GALNT8: variants seen among roughly 807,000 people sequenced by gnomAD.
GALNT8 encodes the protein polypeptide N-acetylgalactosaminyltransferase 8.
A neutral mutation model predicts 62.7 loss-of-function variants in GALNT8; 66 were observed. The ratio of observed to expected loss-of-function variants is 1.05; its 90% confidence interval spans 0.86 to 1.29. GALNT8 has a LOEUF of 1.29. Ranked by LOEUF, GALNT8 falls within the 50% of genes most tolerant of loss-of-function variation. The probability of loss-of-function intolerance (pLI) is 0.00; values close to 1 mark genes in which losing one functional copy is unlikely to be tolerated. For synonymous variants in GALNT8, 288 were observed against 294.3 expected (o/e 0.98, Z 0.22); for missense variants, 771 against 791.8 (o/e 0.97, Z 0.32).
At chr12:4,724,228 T>C (rs962679062) in intron 1 of GALNT8, among the ~76,000 whole-genome samples, 4 of 144,930 alleles carry the variant, frequency 2.8e-5, no homozygotes, top group Non-Finnish European at 6.0e-5. Flanking sequence ...CAAGAGCAAA[T>C]GCAAACAATA....
At chr12:4,752,749 A>G (rs949053509) in intron 6 of GALNT8, among the ~76,000 whole-genome samples, 2 of 152,162 alleles carry the variant, frequency 1.3e-5, no homozygotes, top group African/African-American at 2.4e-5. Context: ...TTTTCTGTGT[A>G]CTGACTATCA....
chr12:4,739,468 C>A, intron 3 of GALNT8, 139 bp downstream of exon 3: 1 of 627,668 alleles, frequency 1.6e-6, no homozygotes, highest in Non-Finnish European at 2.8e-6. Flanking sequence ...TGTTAAGGGT[C>A]TATTTGTGCT....
At chr12:4,764,857 ATTTT>A (rs57897149) in intron 9 of GALNT8, among the ~76,000 whole-genome samples, 2 of 143,794 alleles carry the variant, frequency 1.4e-5, no homozygotes, top group Admixed American at 6.9e-5. Flanking sequence ...TGGCCTGGAC[ATTTT>A]TTTTTTTTTT....
intron 10 of GALNT8, chr12:4,768,606 C>G (rs1946410039): frequency 8.4e-6 from 2 of 237,876 alleles, no homozygotes; most frequent in South Asian, 1.1e-4. Context: ...GAAATTCTGC[C>G]AACCATTCTA....
chr12:4,744,262 G>A (rs1042211367), intron 3 of GALNT8, among the ~76,000 whole-genome samples: 4 of 152,150 alleles, frequency 2.6e-5, no homozygotes, highest in East Asian at 1.9e-4. Context: ...TGCCTGACAC[G>A]TAGTAAGCAG....
chr12:4,763,948 T>A lies in GALNT8; in HGVS notation c.1498-4T>A. Reference sequence around the variant, plus strand: ...AGTGTTGCCGTGTGTTTTGTCCCCTTCAGATGAAAAACCTATTGGATGAAA... The same window carrying A: ...AGTGTTGCCGTGTGTTTTGTCCCCTACAGATGAAAAACCTATTGGATGAAA... On this transcript the variant is annotated splice_region_variant and splice_polypyrimidine_tract_variant and intron_variant, in intron 8 of 10. Coordinates refer to ENST00000252318, the MANE Select transcript of GALNT8 (RefSeq NM_017417.2). 3 of 1,487,092 alleles carry A rather than the reference T, an allele frequency of 2.0e-6. No individual in the cohort carries two copies. Among genetic ancestry groups the A allele is most frequent in the Non-Finnish European group, 2.8e-6 (3 of 1,063,262 alleles). The allele number at this position is 1,487,092 out of a possible 1,614,324, so 92.1% of individuals were successfully genotyped here.
rs1946427458 is a variant in GALNT8 at position 4,772,149 on chromosome 12, G to A, written c.1762-296G>A. Among the ~76,000 whole-genome samples the A allele has an allele frequency of 4.6e-5, 7 of 152,234 alleles. No individual in the cohort carries two copies. The South Asian group carries it at 8.3e-4, about 18-fold the overall frequency. On this transcript the variant is annotated intron_variant, in intron 10 of 10. Transcript: ENST00000252318. Reference sequence around the variant, plus strand: ...GAGAAGGCCCACGGTTCTCACAGATGCCTTCGTTCCATGGTAGTCAGTACT... The same window carrying A: ...GAGAAGGCCCACGGTTCTCACAGATACCTTCGTTCCATGGTAGTCAGTACT...
At chr12:4,720,997 C>A in intron 1 of GALNT8, 109 bp downstream of exon 1, 1 of 685,220 alleles carries the variant, frequency 1.5e-6, no homozygotes, top group Non-Finnish European at 2.6e-6. Context: ...ACATTTTCAT[C>A]TCAGTCGCTC....
Position 4,765,359 on chromosome 12 carries a change from T to C in GALNT8, c.1594-20T>C. 1 of 1,415,214 alleles carries C rather than the reference T, an allele frequency of 7.1e-7. No homozygotes were observed. The highest frequency in any genetic ancestry group is 2.6e-5 in the East Asian group (1 of 38,812). 87.7% of individuals were successfully genotyped at this position (1,415,214 alleles called of 1,614,324 possible). A position where few individuals can be genotyped will look rare whatever the true frequency, so the allele number is the denominator to read the frequency against. On this transcript the variant is annotated intron_variant, in intron 9 of 10. Coordinates refer to ENST00000252318, the MANE Select transcript of GALNT8 (RefSeq NM_017417.2). ...CCTATGGTGAGCCCTCTGCTTTTTT[T>C]TTTTTTTTTTTTTTTTTAGAATGTC...
At position 4,720,759 on chromosome 12, in the gene GALNT8, T is replaced by G; in HGVS notation, c.82T>G (p.Ser28Ala). The G allele has an allele frequency of 6.2e-7, 1 of 1,613,448 alleles. No homozygotes were observed. The highest frequency in any genetic ancestry group is 8.5e-7 in the Non-Finnish European group (1 of 1,179,330). The change falls in exon 1 of 11, where the codon TCT becomes GCT. Residue 28 changes from serine (S) to alanine (A), a missense_variant. Coordinates refer to ENST00000252318, the MANE Select transcript of GALNT8 (RefSeq NM_017417.2). Reference protein sequence around the residue: ...AIAVNLLLVFSSKGTLQNLFT... With the variant: ...AIAVNLLLVFASKGTLQNLFT... ...TGCTGTCAATCTCCTTCTGGTATTT[T>G]CTAGCAAGGGGACTTTACAAAACCT...
At chr12:4,739,026 A>C in intron 2 of GALNT8, 137 bp from the exon 3 acceptor site, 1 of 504,154 alleles carries the variant, frequency 2.0e-6, no homozygotes, top group Non-Finnish European at 3.4e-6. Flanking sequence ...TAAGCCACTA[A>C]GAGTTTTGCT....
intron 6 of GALNT8, among the ~76,000 whole-genome samples, chr12:4,753,406 G>A (rs12296346): frequency 2.6e-5 from 4 of 152,024 alleles, no homozygotes; most frequent in African/African-American, 7.2e-5. Context: ...CAAATAGCCT[G>A]TCCTCAAGCT....
chr12:4,739,072 T>C (rs372877093), intron 2 of GALNT8, 91 bp from the exon 3 acceptor site: 3 of 754,882 alleles, frequency 4.0e-6, no homozygotes, highest in Non-Finnish European at 6.2e-6. Context: ...AATTGGTCGA[T>C]ATAACATCAT....
Position 4,771,771 on chromosome 12 carries a change from C to T in GALNT8, c.1762-674C>T, listed in dbSNP as rs185544853. ...GAGCAGAGGGCAGGACCAGGAGAGA[C>T]GGTAGTTTGGACAGATGGCAGGAGT... On this transcript the variant is annotated intron_variant, in intron 10 of 10. Transcript: ENST00000252318. 2.9e-3 allele frequency among the ~76,000 whole-genome samples: 436 copies of T among 152,114 alleles called. 2 individuals carry two copies. Among genetic ancestry groups the T allele is most frequent in the Non-Finnish European group, 4.2e-3 (285 of 68,004 alleles).
rs764761113 is a variant in GALNT8 at position 4,745,411 on chromosome 12, T to G, written c.861-18T>G. 4 of 1,560,728 alleles carry G rather than the reference T, an allele frequency of 2.6e-6. No individual in the cohort carries two copies. In the South Asian group the frequency reaches 3.3e-5, roughly 13 times the overall value. On this transcript the variant is annotated intron_variant, in intron 4 of 10. Transcript: ENST00000252318. ...GTCCTCATATCCAAGCTGGGCTTTCTGCACACTCTTGTTCTAGGGCAGAGC... is the reference window on the plus strand; with the variant it reads ...GTCCTCATATCCAAGCTGGGCTTTCGGCACACTCTTGTTCTAGGGCAGAGC...
chr12:4,726,808 T>TC lies in GALNT8; in HGVS notation c.492dup (p.Asp165ArgfsTer28), dbSNP rs1326827338. The TC allele has an allele frequency of 5.6e-6, 9 of 1,613,000 alleles. No individual in the cohort carries two copies. The South Asian group carries it at 9.9e-5, about 18-fold the overall frequency. ...AACCAGCTGCCTCTCAATCGCACCA[T>TC]CCCCGACACGCGAGACTACAGGTGG... On this transcript the variant is annotated frameshift_variant, in exon 2 of 11. Transcript: ENST00000252318. LOFTEE classifies it high-confidence loss of function. This position sits in a 1 kb window ranked among gnomAD's most constrained non-coding sequence, Gnocchi z 4.1.
At chr12:4,723,946 C>T (rs1285696749) in intron 1 of GALNT8, among the ~76,000 whole-genome samples, 3 of 151,570 alleles carry the variant, frequency 2.0e-5, no homozygotes, top group Non-Finnish European at 1.5e-5. Context: ...GTCAGGAGAT[C>T]GAGACCATCC....
At position 4,770,621 on chromosome 12, in the gene GALNT8, A is replaced by G. The variant is rs575159434; in HGVS notation, c.1762-1824A>G. ...TAGTTCTTATAAAACATAGTCTTAT[A>G]TGAGAAGTGTGATCACTAGCTCCAT... On this transcript the variant is annotated intron_variant, in intron 10 of 10. Transcript: ENST00000252318. Among the ~76,000 whole-genome samples, 31 of 152,344 alleles carry G rather than the reference A, an allele frequency of 2.0e-4. No individual in the cohort carries two copies. The South Asian group carries it at 6.4e-3, about 32-fold the overall frequency.
intron 6 of GALNT8, among the ~76,000 whole-genome samples, chr12:4,754,831 G>A (rs111362210): frequency 7.4e-4 from 112 of 152,266 alleles, no homozygotes; most frequent in African/African-American, 2.6e-3. Flanking sequence ...CCAGGACTGG[G>A]TCCTTCCCTT....
Sources: gnomAD v4.1 joint callset for allele counts (sites outside exome capture counted in the v4.1 genomes callset) on GRCh38, gnomAD v4.1.1 for gene constraint, Gnocchi (gnomAD v3.1) non-coding constraint, MANE v1.5 for transcripts, NCBI Gene and HGNC (gene_info 2026-07-23, HGNC 2026-07-21) for gene names.